Variants in CSMD1 observed in about 807,000 individuals in gnomAD.
The protein encoded by CSMD1 is CUB and Sushi multiple domains 1.
Under a neutral mutation model 417.5 loss-of-function variants are expected in CSMD1, and 213 were observed. The observed-to-expected ratio is 0.51, with a 90% confidence interval of 0.46 to 0.57. CSMD1 has a LOEUF of 0.57. Ranked by LOEUF, CSMD1 falls within the 20% of genes least tolerant of loss-of-function variation. The pLI, the probability that CSMD1 is intolerant of heterozygous loss-of-function variation, is 0.00. For missense variants in CSMD1, 6,923 were observed against 4,529.7 expected, an observed-to-expected ratio of 1.53 and a Z score of -15.17; for synonymous variants, 2,862 against 1,736.8, an observed-to-expected ratio of 1.65 and a Z score of -16.11.
At chr8:3,708,978 G>C (rs1189112562) in intron 6 of CSMD1, among the ~76,000 whole-genome samples, 1 of 152,134 alleles carries the variant, frequency 6.6e-6, no homozygotes, top group Non-Finnish European at 1.5e-5. Context: ...GGAGCAAGTA[G>C]AGGAAAGGCA....
At chr8:4,031,405 G>A (rs376700592) in intron 4 of CSMD1, among the ~76,000 whole-genome samples, 1 of 152,138 alleles carries the variant, frequency 6.6e-6, no homozygotes, top group East Asian at 1.9e-4. Context: ...CTTGTGCAGG[G>A]GAACTCCTCT....
chr8:4,408,460 G>A (rs530050487), intron 3 of CSMD1, among the ~76,000 whole-genome samples: 1 of 152,178 alleles, frequency 6.6e-6, no homozygotes, highest in African/African-American at 2.4e-5. Context: ...ATAACTGCAT[G>A]AATTATTGAC....
chr8:3,972,772 T>C, intron 5 of CSMD1, among the ~76,000 whole-genome samples: 1 of 152,262 alleles, frequency 6.6e-6, no homozygotes, highest in East Asian at 1.9e-4. Context: ...ATATATTCAA[T>C]GATCTAGCAC....
At chr8:4,315,470 G>T (rs1043046724) in intron 3 of CSMD1, among the ~76,000 whole-genome samples, 1 of 152,028 alleles carries the variant, frequency 6.6e-6, no homozygotes, top group African/African-American at 2.4e-5. Context: ...ATATTCCAAG[G>T]CCTGACTCAA....
intron 3 of CSMD1, among the ~76,000 whole-genome samples, chr8:4,099,112 C>T (rs1801171427): frequency 6.6e-6 from 1 of 151,356 alleles, no homozygotes; most frequent in South Asian, 2.1e-4. Context: ...TTTTTTTGTC[C>T]ATCTCTGCTA....
At chr8:4,734,360 G>C (rs1300831308) in intron 1 of CSMD1, among the ~76,000 whole-genome samples, 1 of 151,984 alleles carries the variant, frequency 6.6e-6, no homozygotes, top group Non-Finnish European at 1.5e-5. Context: ...GTTATTTAGA[G>C]CTTCCTCTGA....
chr8:4,305,335 G>A (rs575550186), intron 3 of CSMD1, among the ~76,000 whole-genome samples: 3 of 152,244 alleles, frequency 2.0e-5, no homozygotes, highest in Non-Finnish European at 4.4e-5. Context: ...CAGGCAGCAA[G>A]AGAAGTGAGA....
At chr8:3,561,373 G>A (rs1025503409) in intron 10 of CSMD1, among the ~76,000 whole-genome samples, 2 of 152,142 alleles carry the variant, frequency 1.3e-5, no homozygotes, top group East Asian at 3.9e-4. Flanking sequence ...CAAAGTCATA[G>A]AATCAACTTA....
chr8:3,243,924 T>A (rs11785155), intron 26 of CSMD1, among the ~76,000 whole-genome samples: 82,720 of 151,550 alleles, frequency 0.55, 22,742 homozygotes, highest in Admixed American at 0.6. Flanking sequence ...TTTTTAAACG[T>A]TATGTAAAAT....
At chr8:4,339,195 G>C (rs1349000387) in intron 3 of CSMD1, among the ~76,000 whole-genome samples, 1 of 152,122 alleles carries the variant, frequency 6.6e-6, no homozygotes, top group African/African-American at 2.4e-5. Flanking sequence ...CTTCAAAGGA[G>C]ATCTGCAAGT....
At chr8:4,267,922 T>C (rs1029681789) in intron 3 of CSMD1, among the ~76,000 whole-genome samples, 10 of 152,126 alleles carry the variant, frequency 6.6e-5, no homozygotes, top group African/African-American at 1.2e-4. Context: ...TAGGACTCAC[T>C]TATTCATGCC....
chr8:3,069,715 C>T (rs1813196512), intron 49 of CSMD1, among the ~76,000 whole-genome samples: 1 of 152,120 alleles, frequency 6.6e-6, no homozygotes, highest in Non-Finnish European at 1.5e-5. Flanking sequence ...ATCTACCATT[C>T]TCAGGGTCTG....
chr8:3,254,772 G>C (rs113404647), intron 26 of CSMD1, among the ~76,000 whole-genome samples: 23,698 of 151,996 alleles, frequency 0.16, 1,950 homozygotes, highest in Admixed American at 0.2. Flanking sequence ...AGCCATTCAT[G>C]TAATTTTTTT....
intron 5 of CSMD1, among the ~76,000 whole-genome samples, chr8:3,811,790 G>C (rs142511749): frequency 7.0e-4 from 106 of 152,178 alleles, no homozygotes; most frequent in Non-Finnish European, 1.2e-3. Context: ...AGGAGAATCA[G>C]TGCTATGTCT....
intron 3 of CSMD1, among the ~76,000 whole-genome samples, chr8:4,169,307 C>T (rs80036133): frequency 6.6e-6 from 1 of 152,168 alleles, no homozygotes; most frequent in African/African-American, 2.4e-5. Flanking sequence ...CTGATCCTTC[C>T]TCTAAAGCTG....
intron 3 of CSMD1, among the ~76,000 whole-genome samples, chr8:4,136,561 C>G (rs1019135727): frequency 4.6e-5 from 7 of 152,124 alleles, no homozygotes; most frequent in Admixed American, 4.6e-4. Context: ...TGCAAAATGC[C>G]TCTAATTTAC....
intron 21 of CSMD1, among the ~76,000 whole-genome samples, chr8:3,356,052 A>G (rs1484422224): frequency 6.6e-6 from 1 of 152,210 alleles, no homozygotes; most frequent in Non-Finnish European, 1.5e-5. Context: ...ATAGAGAGAG[A>G]AATAGTTCTC....
chr8:4,761,875 C>A (rs950995449), intron 1 of CSMD1, among the ~76,000 whole-genome samples: 1 of 94,142 alleles, frequency 1.1e-5, no homozygotes, highest in Admixed American at 1.4e-4. Context: ...ATCTATCTAT[C>A]TATCTATCTA....
intron 1 of CSMD1, among the ~76,000 whole-genome samples, chr8:4,722,689 T>A (rs1809138056): frequency 6.6e-6 from 1 of 152,152 alleles, no homozygotes; most frequent in Non-Finnish European, 1.5e-5. Context: ...GTTTCTAATT[T>A]TTCTAATTTG....
Sources: allele counts gnomAD v4.1 joint callset (sites outside exome capture counted in the v4.1 genomes callset), GRCh38; gene constraint gnomAD v4.1.1; transcripts MANE v1.5; gene names NCBI Gene and HGNC (gene_info 2026-07-23, HGNC 2026-07-21).